B3GAT1: variants seen among roughly 807,000 people sequenced by gnomAD.
B3GAT1 encodes galactosylgalactosylxylosylprotein 3-beta-glucuronosyltransferase 1.
In B3GAT1, 11 loss-of-function variants were observed where a neutral mutation model predicts 28.4. The ratio of observed to expected loss-of-function variants is 0.39; its 90% CI spans 0.24 to 0.64. The LOEUF (loss-of-function observed/expected upper bound fraction) is 0.64. Ranked by LOEUF, B3GAT1 falls within the 30% of genes least tolerant of loss-of-function variation. The probability of loss-of-function intolerance (pLI) is 0.50; values close to 1 mark genes in which losing one functional copy is unlikely to be tolerated. For missense variants in B3GAT1, 375 were observed against 491.0 expected, an observed-to-expected ratio of 0.76 and a Z score of 2.23; for synonymous variants, 255 against 223.1, an observed-to-expected ratio of 1.14 and a Z score of -1.27.
At chr11:134,396,417 C>T (rs1269251368) in intron 1 of B3GAT1, among the ~76,000 whole-genome samples, 1 of 152,286 alleles carries the variant, frequency 6.6e-6, no homozygotes, top group East Asian at 1.9e-4. Flanking sequence ...TCTTTGCTCT[C>T]CTCTGTCCTG....
Position 134,379,336 on chromosome 11 carries a change from G to A in B3GAT1, c.*1426C>T, listed in dbSNP as rs1045331503. 1 of 152,376 alleles carries A rather than the reference G, an allele frequency of 6.6e-6. No individual in the cohort carries two copies. The highest frequency in any genetic ancestry group is 1.5e-5 in the Non-Finnish European group (1 of 67,988). 9.4% of individuals were successfully genotyped at this position (152,376 alleles called of 1,614,324 possible). A position where few individuals can be genotyped will look rare whatever the true frequency, so the allele number is the denominator to read the frequency against. ...TAAAAAATAAACACCTCTTCAGTAGGCTGGGGCCCTTTCCTTTTCCTCCAC... is the reference window on the plus strand; with the variant it reads ...TAAAAAATAAACACCTCTTCAGTAGACTGGGGCCCTTTCCTTTTCCTCCAC... On this transcript the variant is annotated 3_prime_UTR_variant, in exon 6 of 6. Coordinates refer to ENST00000312527, the MANE Select transcript of B3GAT1 (RefSeq NM_054025.3).
rs562390599 is a variant in B3GAT1, at chr11:134,410,819, C to T, written c.-282+988G>A. Among the ~76,000 whole-genome samples the T allele has an allele frequency of 1.4e-3, 216 of 152,354 alleles. 1 individual carries two copies. The highest frequency in any genetic ancestry group is 4.8e-3 in the African/African-American group (200 of 41,572). On this transcript the variant is annotated intron_variant, in intron 1 of 5. Transcript: ENST00000312527. ...GCACAGTGCTAGGCCCTACGACATC[C>T]GTACCCCAACATTTTCAACAGTGCG... is the stretch of plus-strand genomic sequence containing the variant.
intron 3 of B3GAT1, among the ~76,000 whole-genome samples, chr11:134,383,207 CG>C (rs1169599960): frequency 1.3e-5 from 2 of 152,146 alleles, no homozygotes; most frequent in African/African-American, 4.8e-5. Context: ...CCTGGGCTGC[CG>C]GGGACACCTG....
At chr11:134,398,528 C>T (rs796428711) in intron 1 of B3GAT1, among the ~76,000 whole-genome samples, 8 of 152,318 alleles carry the variant, frequency 5.3e-5, no homozygotes, top group African/African-American at 1.7e-4. Flanking sequence ...AATGTTTAAA[C>T]CCTTGTAATC....
chr11:134,410,000 T>A (rs2136345149), intron 1 of B3GAT1: 1 of 152,866 alleles, frequency 6.5e-6, no homozygotes, highest in Middle Eastern at 3.4e-3. Flanking sequence ...GCCGGCCTCA[T>A]CACCCTGTGC....
chr11:134,383,862 C>G lies in B3GAT1; in HGVS notation c.439G>C (p.Glu147Gln). 1.3e-6 allele frequency: 2 copies of G among 1,596,926 alleles called. No individual in the cohort carries two copies. Among genetic ancestry groups the G allele is most frequent in the Non-Finnish European group, 1.7e-6 (2 of 1,174,994 alleles). The part of the protein sequence containing the change: ...TGLNYTHLHV[E>Q]TPRNYKLRGD... ...CGCAGCTTGTAGTTGCGGGGCGTCTCCACGTGCAGGTGCGTGTAGTTGAGG... is the reference window on the plus strand; with the variant it reads ...CGCAGCTTGTAGTTGCGGGGCGTCTGCACGTGCAGGTGCGTGTAGTTGAGG... Residue 147 changes from glutamate to glutamine, a missense_variant, in exon 3 of 6, where the codon GAG becomes CAG. Transcript: ENST00000312527.
chr11:134,383,722 G>C lies in B3GAT1; in HGVS notation c.579C>G (p.Phe193Leu). The C allele has an allele frequency of 6.3e-7, 1 of 1,592,060 alleles. No homozygotes were observed. The highest frequency in any genetic ancestry group is 8.6e-7 in the Non-Finnish European group (1 of 1,165,764). ...RNSSQPGVVY[F>L]ADDDNTYSLE... ...GGCTGTAGGTGTTGTCGTCGTCGGC[G>C]AAGTAGACCACGCCAGGCTGGCTGG... Residue 193 changes from phenylalanine (F) to leucine (L), a missense_variant, in exon 3 of 6, where the codon TTC becomes TTG. Coordinates refer to ENST00000312527, the MANE Select transcript of B3GAT1 (RefSeq NM_054025.3).
chr11:134,393,508 C>CT lies in B3GAT1; in HGVS notation c.-281-5569dup, dbSNP rs1199497424. ...GGCTGAGGAGCACTTGGTGAGCAGT[C>CT]TGAGTGTAGCACCCTTTAGAATATG... On this transcript the variant is annotated intron_variant, in intron 1 of 5. Transcript: ENST00000312527. This position sits in a 1 kb window ranked among gnomAD's most constrained non-coding sequence, Gnocchi z 4.0. Among the ~76,000 whole-genome samples, 1 of 152,228 alleles carries CT rather than the reference C, an allele frequency of 6.6e-6. No individual in the cohort carries two copies. The highest frequency in any genetic ancestry group is 1.5e-5 in the Non-Finnish European group (1 of 68,048).
intron 1 of B3GAT1, chr11:134,388,371 C>A (rs1287829211): frequency 6.2e-6 from 1 of 161,738 alleles, no homozygotes; most frequent in African/African-American, 2.4e-5. Flanking sequence ...AAAATGCCAG[C>A]TACTTATCAA....
chr11:134,404,952 C>T (rs1944701420), intron 1 of B3GAT1, among the ~76,000 whole-genome samples: 1 of 152,228 alleles, frequency 6.6e-6, no homozygotes. Context: ...CGGTCAGCTG[C>T]AGTGTGGGTG....
chr11:134,389,001 C>G (rs1944354777), intron 1 of B3GAT1: 1 of 152,226 alleles, frequency 6.6e-6, no homozygotes, highest in Admixed American at 6.5e-5. Flanking sequence ...AGAATGGCAG[C>G]TCTGTTTTAA....
At chr11:134,403,138 C>T (rs947232818) in intron 1 of B3GAT1, among the ~76,000 whole-genome samples, 10 of 152,110 alleles carry the variant, frequency 6.6e-5, no homozygotes, top group African/African-American at 1.4e-4. Flanking sequence ...TACGGATCCA[C>T]GGTCCACCAC....
chr11:134,398,105 A>C (rs1357574660), intron 1 of B3GAT1, among the ~76,000 whole-genome samples: 1 of 152,168 alleles, frequency 6.6e-6, no homozygotes, highest in Non-Finnish European at 1.5e-5. Context: ...GCTGGCCACC[A>C]CAGAACTGCC....
chr11:134,411,442 C>CCCTGACT lies in B3GAT1; in HGVS notation c.-282+358_-282+364dup, dbSNP rs1191635530. 1.3e-5 allele frequency among the ~76,000 whole-genome samples: 2 copies of CCCTGACT among 152,046 alleles called. No individual in the cohort carries two copies. Among genetic ancestry groups the CCCTGACT allele is most frequent in the Non-Finnish European group, 2.9e-5 (2 of 67,976 alleles). On this transcript the variant is annotated intron_variant, in intron 1 of 5. Transcript: ENST00000312527. This position sits in a 1 kb window ranked among gnomAD's most constrained non-coding sequence, Gnocchi z 6.0. The stretch of plus-strand genomic sequence containing the variant: ...GGTGGGGAGGTGGGGGACGACTGAC[C>CCCTGACT]CCTGACTCCTCATCCGGCCACCAGA...
intron 1 of B3GAT1, among the ~76,000 whole-genome samples, chr11:134,401,970 C>CGG (rs536585130): frequency 0.046 from 526 of 11,350 alleles, 7 homozygotes; most frequent in African/African-American, 0.065. Context: ...TGGCCTGGGG[C>CGG]GGGGGGGGGC....
Position 134,379,445 on chromosome 11 carries a change from C to G in B3GAT1, c.*1317G>C, listed in dbSNP as rs937787823. 10 of 152,524 alleles carry G rather than the reference C, an allele frequency of 6.6e-5. No homozygotes were observed. The highest frequency in any genetic ancestry group is 2.4e-4 in the African/African-American group (10 of 41,444). 9.4% of individuals were successfully genotyped at this position (152,524 alleles called of 1,614,324 possible). ...GCCCGGCTGGGCCAGGGGGTCAGAG[C>G]CCTTTCCAGTGGGCCCCAGAGGCCT... On this transcript the variant is annotated 3_prime_UTR_variant, in exon 6 of 6. Transcript: ENST00000312527.
intron 5 of B3GAT1, among the ~76,000 whole-genome samples, chr11:134,381,358 C>T (rs7951640): frequency 0.53 from 81,213 of 152,124 alleles, 22,889 homozygotes; most frequent in East Asian, 0.92. Context: ...GTTCTAGGTG[C>T]TCTCAGCAAC....
intron 1 of B3GAT1, among the ~76,000 whole-genome samples, chr11:134,406,826 C>A (rs2136340229): frequency 6.6e-6 from 1 of 152,318 alleles, no homozygotes; most frequent in South Asian, 2.1e-4. Context: ...GGACCTGAAT[C>A]CAGCCAGTAG....
At chr11:134,395,441 G>C (rs1944486996) in intron 1 of B3GAT1, among the ~76,000 whole-genome samples, 2 of 152,054 alleles carry the variant, frequency 1.3e-5, no homozygotes, top group Non-Finnish European at 2.9e-5. Flanking sequence ...TGGCCGAGTG[G>C]AGGAAGGCGT....
Sources: allele counts gnomAD v4.1 joint callset (sites outside exome capture counted in the v4.1 genomes callset), GRCh38; gene constraint gnomAD v4.1.1; non-coding constraint Gnocchi (gnomAD v3.1); transcripts MANE v1.5; gene names NCBI Gene and HGNC (gene_info 2026-07-23, HGNC 2026-07-21).